Variants in SASS6 observed in about 807,000 individuals in gnomAD.
SASS6 encodes the protein SAS-6 centriolar assembly protein, also known as spindle assembly abnormal protein 6 homolog.
Under a neutral mutation model 94.9 loss-of-function variants are expected in SASS6, and 59 were observed. The observed-to-expected ratio is 0.62, with a 90% CI of 0.50 to 0.77. The LOEUF (loss-of-function observed/expected upper bound fraction) is 0.77, where lower values mean the gene tolerates loss of function less well. Ranked by LOEUF, SASS6 falls within the 30% of genes least tolerant of loss-of-function variation. The pLI is 0.00. For missense variants in SASS6, 698 were observed against 734.1 expected (o/e 0.95, Z 0.57); for synonymous variants, 264 against 270.0 (o/e 0.98, Z 0.22).
chr1:100,113,657 A>G (rs1408904383), intron 7 of SASS6, among the ~76,000 whole-genome samples: 2 of 151,934 alleles, frequency 1.3e-5, no homozygotes, highest in Non-Finnish European at 2.9e-5. Context: ...AAAAAAAAGA[A>G]AAGGTAGTAA....
In SASS6 at chr1:100,088,216, A is replaced by G; in HGVS notation, c.1695T>C (p.Phe565=). Reference sequence around the variant, plus strand: ...CTCCTAGTGATGCATTTGGTTTTGTAAACTGCAAATTAAACTGAACCTGTG... The same window carrying G: ...CTCCTAGTGATGCATTTGGTTTTGTGAACTGCAAATTAAACTGAACCTGTG... The part of the protein sequence containing the change: ...SGTKVQFNLQ[F]TKPNASLGDV... The change falls in exon 15 of 17, where the codon TTT becomes TTC. Residue 565 remains phenylalanine (F), a synonymous_variant. Transcript: ENST00000287482. 1.3e-6 allele frequency: 2 copies of G among 1,593,188 alleles called. No homozygotes were observed. Among genetic ancestry groups the G allele is most frequent in the Non-Finnish European group, 1.7e-6 (2 of 1,161,368 alleles).
At chr1:100,108,798 TA>T (rs1192781644) in intron 8 of SASS6, among the ~76,000 whole-genome samples, 2 of 152,098 alleles carry the variant, frequency 1.3e-5, no homozygotes. Context: ...CCCTCATTTG[TA>T]AAACAGAAAT....
Position 100,107,700 on chromosome 1 carries a change from AT to A in SASS6, c.1073del (p.Asn358MetfsTer9). 1 of 1,602,730 alleles carries A rather than the reference AT, an allele frequency of 6.2e-7. No homozygotes were observed. The highest frequency in any genetic ancestry group is 8.5e-7 in the Non-Finnish European group (1 of 1,172,698). On this transcript the variant is annotated frameshift_variant, in exon 10 of 17. Coordinates refer to ENST00000287482, the MANE Select transcript of SASS6 (RefSeq NM_194292.3). LOFTEE classifies it high-confidence loss of function. ...CTAGTTGTACTTGATTTTTCTCACCATTTTCTTCTAAAACCACCTGATATAT... is the reference window on the plus strand; with the variant it reads ...CTAGTTGTACTTGATTTTTCTCACCATTTCTTCTAAAACCACCTGATATAT... ...IQEQKVVLEE[N>X]GEKNQVQLGK...
At chr1:100,091,725 A>T (rs1651714795) in intron 14 of SASS6, among the ~76,000 whole-genome samples, 3 of 151,734 alleles carry the variant, frequency 2.0e-5, no homozygotes, top group Admixed American at 6.6e-5. Context: ...GACAGAGAAA[A>T]CAGTAAACTT....
At chr1:100,097,744 A>G (rs1342768541) in intron 14 of SASS6, among the ~76,000 whole-genome samples, 1 of 152,078 alleles carries the variant, frequency 6.6e-6, no homozygotes, top group East Asian at 1.9e-4. Context: ...TAGGAGGATC[A>G]CCTGAGCCCA....
chr1:100,106,260 ATGTTT>A (rs1421378616), intron 12 of SASS6, among the ~76,000 whole-genome samples: 1 of 152,142 alleles, frequency 6.6e-6, no homozygotes, highest in Non-Finnish European at 1.5e-5. Context: ...TCTTATTTTT[ATGTTT>A]TGTTTTCAAA....
intron 14 of SASS6, among the ~76,000 whole-genome samples, chr1:100,097,548 G>A (rs1334957503): frequency 6.6e-6 from 1 of 152,196 alleles, no homozygotes; most frequent in Non-Finnish European, 1.5e-5. Context: ...ATATGGGCCA[G>A]GCATGGTGGC....
intron 8 of SASS6, among the ~76,000 whole-genome samples, chr1:100,109,294 C>G (rs145360006): frequency 3.6e-4 from 54 of 152,102 alleles, no homozygotes; most frequent in African/African-American, 1.2e-3. Context: ...AAGCATGAGA[C>G]TGGTAAAATA....
At chr1:100,095,470 T>C (rs558588301) in intron 14 of SASS6, among the ~76,000 whole-genome samples, 1 of 152,308 alleles carries the variant, frequency 6.6e-6, no homozygotes, top group East Asian at 1.9e-4. Context: ...GAGACAGAAG[T>C]TGCAGTGAGC....
chr1:100,123,636 C>T (rs569847653), intron 2 of SASS6, among the ~76,000 whole-genome samples: 1 of 152,202 alleles, frequency 6.6e-6, no homozygotes, highest in Admixed American at 6.5e-5. Flanking sequence ...GAACATACCA[C>T]ATTCAATTTT....
intron 1 of SASS6, among the ~76,000 whole-genome samples, chr1:100,132,100 TA>T (rs1655083353): frequency 6.6e-6 from 1 of 152,248 alleles, no homozygotes; most frequent in South Asian, 2.1e-4. Context: ...CCAGTGATTG[TA>T]AACTCCATGA....
At chr1:100,086,950 A>G (rs371684040) in intron 15 of SASS6, among the ~76,000 whole-genome samples, 1 of 152,060 alleles carries the variant, frequency 6.6e-6, no homozygotes, top group Non-Finnish European at 1.5e-5. Context: ...TTAAAAATGG[A>G]GGCTCACAAA....
rs1164158113 is a variant in SASS6, at chr1:100,085,064, T to C, written c.*264A>G. ...TCCTTAGAACTGAATTTCTAAAGAA[T>C]AGCTTAATAAAATTCATATTATTCT... On this transcript the variant is annotated 3_prime_UTR_variant, in exon 17 of 17. Transcript: ENST00000287482. 7 of 362,346 alleles carry C rather than the reference T, an allele frequency of 1.9e-5. No individual in the cohort carries two copies. The allele number at this position is 362,346 out of a possible 1,614,324, so 22.4% of individuals were successfully genotyped here. A position where few individuals can be genotyped will look rare whatever the true frequency, so the allele number is the denominator to read the frequency against.
intron 7 of SASS6, among the ~76,000 whole-genome samples, chr1:100,111,482 T>C (rs909624940): frequency 6.6e-6 from 1 of 152,072 alleles, no homozygotes; most frequent in South Asian, 2.1e-4. Context: ...TCCCAATTTT[T>C]CACAATTATA....
At chr1:100,095,746 C>T (rs1652062980) in intron 14 of SASS6, among the ~76,000 whole-genome samples, 1 of 152,060 alleles carries the variant, frequency 6.6e-6, no homozygotes, top group South Asian at 2.1e-4. Flanking sequence ...GATCAACATA[C>T]AAAAATGACA....
At chr1:100,104,081 G>A (rs901429329) in intron 13 of SASS6, among the ~76,000 whole-genome samples, 1 of 152,180 alleles carries the variant, frequency 6.6e-6, no homozygotes, top group Non-Finnish European at 1.5e-5. Flanking sequence ...ACTGGGAAAT[G>A]GGGATAAATG....
chr1:100,087,436 C>A (rs1355875851), intron 15 of SASS6, among the ~76,000 whole-genome samples: 1 of 152,070 alleles, frequency 6.6e-6, no homozygotes, highest in Non-Finnish European at 1.5e-5. Flanking sequence ...AGCAGACAGG[C>A]CTTAAAGCCA....
chr1:100,125,669 C>CAAAAAA (rs11299065), intron 2 of SASS6, among the ~76,000 whole-genome samples: 2 of 80,358 alleles, frequency 2.5e-5, no homozygotes, highest in African/African-American at 4.4e-5. Context: ...GACTCCATCT[C>CAAAAAA]AAAAAAAAAA....
At chr1:100,123,359 G>C in intron 2 of SASS6, 70 bp from the exon 3 acceptor site, 1 of 736,760 alleles carries the variant, frequency 1.4e-6, no homozygotes, top group Non-Finnish European at 2.3e-6. Flanking sequence ...CTTCTCAGAA[G>C]TAAAGAAATC....
Sources: allele counts gnomAD v4.1 joint callset (sites outside exome capture counted in the v4.1 genomes callset), GRCh38; gene constraint gnomAD v4.1.1; transcripts MANE v1.5; gene names NCBI Gene and HGNC (gene_info 2026-07-23, HGNC 2026-07-21).